NTNG1: variants seen among roughly 807,000 people sequenced by gnomAD.
NTNG1 encodes netrin G1, also known as netrin-G1.
A neutral mutation model predicts 54.0 loss-of-function variants in NTNG1; 16 were observed. The observed-to-expected ratio is 0.30, with a 90% confidence interval of 0.20 to 0.45. NTNG1 has a LOEUF of 0.45. Among genes scored for constraint, NTNG1 ranks in the 20% least tolerant of loss-of-function variants. The pLI, the probability that NTNG1 is intolerant of heterozygous loss-of-function variation, is 1.00. For synonymous variants in NTNG1, 255 were observed against 263.1 expected (o/e 0.97, Z 0.30); for missense variants, 530 against 678.7 (o/e 0.78, Z 2.43).
intron 2 of NTNG1, among the ~76,000 whole-genome samples, chr1:107,296,397 A>T (rs1017536708): frequency 6.6e-6 from 1 of 152,052 alleles, no homozygotes; most frequent in South Asian, 2.1e-4. Context: ...AGTACAATGT[A>T]TGCACATTGC....
chr1:107,308,822 T>C (rs1017816986), intron 2 of NTNG1, among the ~76,000 whole-genome samples: 15 of 152,190 alleles, frequency 9.9e-5, no homozygotes, highest in African/African-American at 3.6e-4. Flanking sequence ...CAATTTGTAA[T>C]TCTCATTGTT....
chr1:107,271,515 T>C (rs146792008), intron 2 of NTNG1, among the ~76,000 whole-genome samples: 1 of 152,300 alleles, frequency 6.6e-6, no homozygotes, highest in East Asian at 1.9e-4. Context: ...AACACATTAA[T>C]AACTAGCAGA....
intron 3 of NTNG1, among the ~76,000 whole-genome samples, chr1:107,387,934 A>G (rs1342943584): frequency 6.6e-6 from 1 of 152,182 alleles, no homozygotes; most frequent in East Asian, 1.9e-4. Flanking sequence ...GTGCAAAGGC[A>G]TCATCATCAC....
chr1:107,199,423 C>G (rs1177841148), intron 2 of NTNG1, among the ~76,000 whole-genome samples: 1 of 151,860 alleles, frequency 6.6e-6, no homozygotes, highest in Admixed American at 6.6e-5. Context: ...GTAACTTCTA[C>G]ACGAGTATTA....
At chr1:107,453,828 TAACCCTGCA>T (rs1346198653) in intron 7 of NTNG1, among the ~76,000 whole-genome samples, 3 of 152,158 alleles carry the variant, frequency 2.0e-5, no homozygotes, top group Non-Finnish European at 4.4e-5. Context: ...ATTCTTCCAA[TAACCCTGCA>T]AAGGAGTGCT....
At chr1:107,197,796 A>G (rs1175735792) in intron 2 of NTNG1, among the ~76,000 whole-genome samples, 1 of 151,956 alleles carries the variant, frequency 6.6e-6, no homozygotes, top group Non-Finnish European at 1.5e-5. Flanking sequence ...ATTTGGATGT[A>G]TGGATATAAT....
At chr1:107,448,497 A>G (rs1676432687) in intron 7 of NTNG1, among the ~76,000 whole-genome samples, 1 of 152,232 alleles carries the variant, frequency 6.6e-6, no homozygotes, top group African/African-American at 2.4e-5. Flanking sequence ...TTGGAAATGC[A>G]GAATCATAGA....
intron 3 of NTNG1, among the ~76,000 whole-genome samples, chr1:107,372,692 A>G (rs1040615666): frequency 2.0e-5 from 3 of 152,242 alleles, no homozygotes; most frequent in Admixed American, 6.5e-5. Flanking sequence ...AGTCTACTAT[A>G]AACTTGCAAA....
intron 2 of NTNG1, among the ~76,000 whole-genome samples, chr1:107,250,345 A>G (rs1043066498): frequency 1.3e-5 from 2 of 152,140 alleles, no homozygotes; most frequent in Non-Finnish European, 2.9e-5. Context: ...GTGATACACA[A>G]AGGAAGGCAT....
At chr1:107,469,003 G>A (rs1232390563) in intron 7 of NTNG1, among the ~76,000 whole-genome samples, 2 of 151,318 alleles carry the variant, frequency 1.3e-5, no homozygotes, top group Non-Finnish European at 2.9e-5. Context: ...GGCTGAAGCA[G>A]GAGAATCGCT....
chr1:107,262,618 G>C (rs1663429207), intron 2 of NTNG1, among the ~76,000 whole-genome samples: 1 of 152,190 alleles, frequency 6.6e-6, no homozygotes, highest in African/African-American at 2.4e-5. Flanking sequence ...AAATTGTAAT[G>C]ACTCAAAGCA....
At chr1:107,234,433 T>A (rs1661271179) in intron 2 of NTNG1, among the ~76,000 whole-genome samples, 2 of 147,848 alleles carry the variant, frequency 1.4e-5, no homozygotes, top group Non-Finnish European at 3.1e-5. Context: ...CCTTTTCAGT[T>A]TTTTTTTCGG....
intron 2 of NTNG1, among the ~76,000 whole-genome samples, chr1:107,240,566 T>C (rs1377599893): frequency 6.6e-6 from 1 of 152,196 alleles, no homozygotes; most frequent in Non-Finnish European, 1.5e-5. Context: ...AGTCATTTGA[T>C]GTTGTAATAT....
chr1:107,318,423 C>G (rs1201808506), intron 2 of NTNG1, among the ~76,000 whole-genome samples: 2 of 148,414 alleles, frequency 1.3e-5, no homozygotes, highest in African/African-American at 5.0e-5. Flanking sequence ...CAAAGAGAAG[C>G]TGTAAAGTGT....
intron 2 of NTNG1, among the ~76,000 whole-genome samples, chr1:107,162,392 ATTTTC>A (rs1463247707): frequency 1.3e-5 from 2 of 152,032 alleles, no homozygotes; most frequent in African/African-American, 4.8e-5. Context: ...TGTTTCTCTT[ATTTTC>A]TTAGCTGTCA....
chr1:107,166,452 A>G lies in NTNG1; in HGVS notation c.246+17613A>G, dbSNP rs185894313. 3.5e-3 allele frequency among the ~76,000 whole-genome samples: 538 copies of G among 152,286 alleles called. 3 individuals carry two copies. The highest frequency in any genetic ancestry group is 5.9e-3 in the Non-Finnish European group (403 of 68,012). Reference sequence around the variant, plus strand: ...CTCTCTATAAGCAATCTTTAAATGCAATAATGTAGGTGAAGGTACTTTATA... The same window carrying G: ...CTCTCTATAAGCAATCTTTAAATGCGATAATGTAGGTGAAGGTACTTTATA... On this transcript the variant is annotated intron_variant, in intron 2 of 7. Transcript: ENST00000370068.
At chr1:107,377,356 C>T (rs1271881822) in intron 3 of NTNG1, among the ~76,000 whole-genome samples, 2 of 152,198 alleles carry the variant, frequency 1.3e-5, no homozygotes, top group East Asian at 1.9e-4. Flanking sequence ...GAGAAGAGAA[C>T]TCCTTTATCC....
At chr1:107,358,378 A>G (rs1330271779) in intron 3 of NTNG1, among the ~76,000 whole-genome samples, 1 of 150,410 alleles carries the variant, frequency 6.6e-6, no homozygotes, top group Non-Finnish European at 1.5e-5. Context: ...TTTTTTTGAC[A>G]TCTATGACTA....
rs960315775 is a variant in NTNG1 at position 107,465,939 on chromosome 1, G to A, written c.1391-14672G>A. On this transcript the variant is annotated intron_variant, in intron 7 of 7. Coordinates refer to ENST00000370068, the MANE Select transcript of NTNG1 (RefSeq NM_001113226.3). ...ATTATAACGTGTTAATTTTAATTGTGTGTGTGTGCATATGTGTGTGGGAAG... is the reference window on the plus strand; with the variant it reads ...ATTATAACGTGTTAATTTTAATTGTATGTGTGTGCATATGTGTGTGGGAAG... Among the ~76,000 whole-genome samples the A allele has an allele frequency of 2.0e-5, 3 of 152,206 alleles. No homozygotes were observed. In the South Asian group the frequency reaches 6.2e-4, roughly 32 times the overall value.
Sources: gnomAD v4.1 joint callset for allele counts (sites outside exome capture counted in the v4.1 genomes callset) on GRCh38, gnomAD v4.1.1 for gene constraint, MANE v1.5 for transcripts, NCBI Gene and HGNC (gene_info 2026-07-23, HGNC 2026-07-21) for gene names.